The following THEMIS variants were observed in gnomAD, a reference collection of about 807,000 sequenced individuals.
The protein encoded by THEMIS is thymocyte selection associated.
A neutral mutation model predicts 52.6 loss-of-function variants in THEMIS; 37 were observed. The observed-to-expected ratio is 0.70, with a 90% CI of 0.54 to 0.93. The LOEUF (loss-of-function observed/expected upper bound fraction) is 0.93, where lower values mean the gene tolerates loss of function less well. Ranked by LOEUF, THEMIS falls within the 40% of genes least tolerant of loss-of-function variation. The pLI, the probability that THEMIS is intolerant of heterozygous loss-of-function variation, is 0.00. For missense variants in THEMIS, 808 were observed against 763.1 expected, an observed-to-expected ratio of 1.06 and a Z score of -0.69; for synonymous variants, 292 against 272.7, an observed-to-expected ratio of 1.07 and a Z score of -0.70.
intron 3 of THEMIS, among the ~76,000 whole-genome samples, chr6:127,822,522 A>G (rs1227607061): frequency 2.0e-5 from 3 of 152,132 alleles, no homozygotes; most frequent in East Asian, 3.8e-4. Flanking sequence ...TGCATTTGAT[A>G]TGAGTTTATT....
intron 4 of THEMIS, among the ~76,000 whole-genome samples, chr6:127,730,768 T>C (rs1774765220): frequency 6.6e-6 from 1 of 152,308 alleles, no homozygotes; most frequent in East Asian, 1.9e-4. Context: ...CTCCATAGAA[T>C]GATTCTTTTA....
At chr6:127,702,202 C>A in the THEMIS span, among the ~76,000 whole-genome samples, 1 of 152,078 alleles carries the variant, frequency 6.6e-6, no homozygotes, top group South Asian at 2.1e-4. Flanking sequence ...TCCCTTGTCA[C>A]CCCATCTTCC....
At chr6:127,782,111 G>C (rs181368707) in intron 4 of THEMIS, among the ~76,000 whole-genome samples, 1 of 152,242 alleles carries the variant, frequency 6.6e-6, no homozygotes, top group Middle Eastern at 3.4e-3. Flanking sequence ...GGGGAAAACC[G>C]CCTACTCAAG....
chr6:127,801,853 T>G (rs1453485602), intron 4 of THEMIS, among the ~76,000 whole-genome samples: 1 of 152,016 alleles, frequency 6.6e-6, no homozygotes, highest in Non-Finnish European at 1.5e-5. Flanking sequence ...GTGTGACCCA[T>G]GAGGAGATGC....
chr6:127,820,027 G>A (rs1778281280), intron 3 of THEMIS, among the ~76,000 whole-genome samples: 1 of 152,070 alleles, frequency 6.6e-6, no homozygotes, highest in Non-Finnish European at 1.5e-5. Context: ...AGGGAGGAAT[G>A]GGGAATATTT....
At chr6:127,835,765 A>C (rs923944627) in intron 2 of THEMIS, among the ~76,000 whole-genome samples, 3 of 152,130 alleles carry the variant, frequency 2.0e-5, no homozygotes, top group Non-Finnish European at 4.4e-5. Flanking sequence ...CAGGAATGAT[A>C]ATTTCCACAG....
chr6:127,849,246 C>G (rs1229006347), intron 2 of THEMIS, among the ~76,000 whole-genome samples: 3 of 152,058 alleles, frequency 2.0e-5, no homozygotes, highest in African/African-American at 7.2e-5. Flanking sequence ...AGATATGCGG[C>G]ATTATTTCTG....
chr6:127,772,594 T>C (rs887175121), intron 4 of THEMIS, among the ~76,000 whole-genome samples: 1 of 152,150 alleles, frequency 6.6e-6, no homozygotes, highest in African/African-American at 2.4e-5. Flanking sequence ...AGAAAGAATT[T>C]GGATGTGATA....
At position 127,813,151 on chromosome 6, in the gene THEMIS, T is replaced by C. The variant is rs1562273698; in HGVS notation, c.1490A>G (p.Asn497Ser). ...DSYLLISDFANPTECWEIPVG... is the reference protein window; with the variant it reads ...DSYLLISDFASPTECWEIPVG... Reference sequence around the variant, plus strand: ...AGGAATTTCCCAGCACTCCGTGGGGTTGGCAAAGTCACTTATGAGTAGGTA... The same window carrying C: ...AGGAATTTCCCAGCACTCCGTGGGGCTGGCAAAGTCACTTATGAGTAGGTA... Residue 497 changes from asparagine (N) to serine (S), a missense_variant, in exon 4 of 6, where the codon AAC becomes AGC. Coordinates refer to ENST00000368248, the MANE Select transcript of THEMIS (RefSeq NM_001010923.3). 3.7e-6 allele frequency: 6 copies of C among 1,613,828 alleles called. No homozygotes were observed. The highest frequency in any genetic ancestry group is 2.2e-5 in the East Asian group (1 of 44,884).
At chr6:127,724,069 A>G (rs942095145) in intron 4 of THEMIS, among the ~76,000 whole-genome samples, 2 of 152,086 alleles carry the variant, frequency 1.3e-5, no homozygotes, top group African/African-American at 2.4e-5. Context: ...AGTGGCCAGT[A>G]TATAGTCACA....
Position 127,911,142 on chromosome 6 carries a change from T to C in THEMIS, c.-150+7286A>G, listed in dbSNP as rs144234278. Reference sequence around the variant, plus strand: ...CAACATAATCTATCACTGATAATGTTAACTTTATCTGACTAAGGTAGTGTT... The same window carrying C: ...CAACATAATCTATCACTGATAATGTCAACTTTATCTGACTAAGGTAGTGTT... On this transcript the variant is annotated intron_variant, in intron 1 of 6. Transcript: ENST00000368250. Among the ~76,000 whole-genome samples the C allele has an allele frequency of 7.2e-4, 109 of 151,474 alleles. 11 individuals are homozygous for C. The highest frequency in any genetic ancestry group is 2.6e-3 in the African/African-American group (104 of 40,778).
chr6:127,826,994 G>A (rs192628322), intron 3 of THEMIS, among the ~76,000 whole-genome samples: 2 of 151,916 alleles, frequency 1.3e-5, no homozygotes, highest in East Asian at 3.9e-4. Flanking sequence ...AGTAATAGGA[G>A]TAGAATATCT....
chr6:127,828,916 AAAAC>A (rs1485342081), intron 3 of THEMIS, among the ~76,000 whole-genome samples: 4 of 152,178 alleles, frequency 2.6e-5, no homozygotes, highest in African/African-American at 9.7e-5. Flanking sequence ...TCAAAACAAA[AAAAC>A]AAACAAACAA....
intron 4 of THEMIS, among the ~76,000 whole-genome samples, chr6:127,730,298 A>AAAGAAAAGAAAAG: frequency 6.8e-6 from 1 of 147,356 alleles, no homozygotes; most frequent in Non-Finnish European, 1.5e-5. Flanking sequence ...AAAGAAAAGA[A>AAAGAAAAGAAAAG]AAGAAAAGAA....
chr6:127,795,093 T>C (rs542966897), intron 4 of THEMIS, among the ~76,000 whole-genome samples: 1 of 152,276 alleles, frequency 6.6e-6, no homozygotes, highest in East Asian at 1.9e-4. Flanking sequence ...TCCATAGCAT[T>C]GAAAGTTCCT....
intron 1 of THEMIS, among the ~76,000 whole-genome samples, chr6:127,863,475 A>G (rs935080571): frequency 6.6e-6 from 1 of 152,184 alleles, no homozygotes; most frequent in African/African-American, 2.4e-5. Context: ...TGTACACACT[A>G]GAACAGTTGT....
chr6:127,818,147 T>C (rs1778200186), intron 3 of THEMIS, among the ~76,000 whole-genome samples: 2 of 152,166 alleles, frequency 1.3e-5, no homozygotes, highest in African/African-American at 4.8e-5. Flanking sequence ...TTCTCTGTAC[T>C]TCTACATAAA....
chr6:127,773,110 A>G (rs984134918), intron 4 of THEMIS, among the ~76,000 whole-genome samples: 6 of 152,194 alleles, frequency 3.9e-5, no homozygotes, highest in Admixed American at 2.0e-4. Flanking sequence ...TAGAAGCTAG[A>G]GATAATCCCA....
chr6:127,893,647 A>G (rs891512863), intron 1 of THEMIS, among the ~76,000 whole-genome samples: 74 of 152,228 alleles, frequency 4.9e-4, no homozygotes, highest in African/African-American at 1.7e-3. Flanking sequence ...CATTCTCCCT[A>G]TTATCACTGT....
Sources: allele counts gnomAD v4.1 joint callset (sites outside exome capture counted in the v4.1 genomes callset), GRCh38; gene constraint gnomAD v4.1.1; transcripts MANE v1.5; gene names NCBI Gene and HGNC (gene_info 2026-07-23, HGNC 2026-07-21).